RBFOX1: variants seen among roughly 807,000 people sequenced by gnomAD.
The protein encoded by RBFOX1 is RNA binding protein fox-1 homolog 1.
A neutral mutation model predicts 57.7 loss-of-function variants in RBFOX1; 8 were observed. The observed-to-expected ratio is 0.14, with a 90% CI of 0.08 to 0.25. RBFOX1 has a LOEUF of 0.25. RBFOX1 is among the 10% of genes least tolerant of loss of function. RBFOX1 has a pLI of 1.00. For synonymous variants in RBFOX1, 326 were observed against 222.4 expected, an observed-to-expected ratio of 1.47 and a Z score of -4.15; for missense variants, 611 against 548.5, an observed-to-expected ratio of 1.11 and a Z score of -1.14.
intron 4 of RBFOX1, among the ~76,000 whole-genome samples, chr16:7,486,982 C>G (rs1338778148): frequency 1.3e-5 from 2 of 152,184 alleles, no homozygotes; most frequent in African/African-American, 4.8e-5. Flanking sequence ...TCACTGCAAC[C>G]TCTGCCTCCC....
chr16:7,573,572 G>A (rs1468598774), intron 5 of RBFOX1, among the ~76,000 whole-genome samples: 1 of 151,972 alleles, frequency 6.6e-6, no homozygotes, highest in African/African-American at 2.4e-5. Flanking sequence ...AGTGGCTCAA[G>A]CCTGTAATCC....
intron 4 of RBFOX1, among the ~76,000 whole-genome samples, chr16:7,155,681 C>A (rs1347371426): frequency 7.7e-6 from 1 of 130,448 alleles, no homozygotes; most frequent in Non-Finnish European, 1.6e-5. Flanking sequence ...ACTTGCCTTC[C>A]TCCCTTCTCC....
At chr16:6,126,676 T>G (rs1427476495) in intron 1 of RBFOX1, among the ~76,000 whole-genome samples, 1 of 152,176 alleles carries the variant, frequency 6.6e-6, no homozygotes, top group Admixed American at 6.5e-5. Flanking sequence ...GCTCCTCCCC[T>G]GGTTTTCACT....
At chr16:6,528,050 C>A (rs1180206272) in intron 2 of RBFOX1, among the ~76,000 whole-genome samples, 2 of 152,154 alleles carry the variant, frequency 1.3e-5, no homozygotes, top group African/African-American at 4.8e-5. Flanking sequence ...ACCTTACATC[C>A]TTTCCACCCT....
intron 4 of RBFOX1, among the ~76,000 whole-genome samples, chr16:7,105,011 C>G (rs1341448789): frequency 6.6e-6 from 1 of 152,080 alleles, no homozygotes; most frequent in Non-Finnish European, 1.5e-5. Flanking sequence ...TTCTTTGATT[C>G]AGTCACAGAA....
intron 2 of RBFOX1, among the ~76,000 whole-genome samples, chr16:6,639,275 G>A (rs927479799): frequency 6.6e-6 from 1 of 152,166 alleles, no homozygotes; most frequent in Non-Finnish European, 1.5e-5. Context: ...CTGTCTATCT[G>A]ATTCCTAAGA....
intron 4 of RBFOX1, among the ~76,000 whole-genome samples, chr16:7,192,469 T>A (rs753053422): frequency 6.6e-6 from 1 of 152,188 alleles, no homozygotes; most frequent in Non-Finnish European, 1.5e-5. Flanking sequence ...ACGTGGAATG[T>A]AGTAAAGTAC....
In RBFOX1 at chr16:5,873,040, A is replaced by C. The variant is rs111728796; in HGVS notation, c.351+5705A>C. Among the ~76,000 whole-genome samples the C allele has an allele frequency of 2.1e-3, 318 of 152,158 alleles. 1 individual carries two copies. The highest frequency in any genetic ancestry group is 6.8e-3 in the Middle Eastern group (2 of 294). ...GTGGCACGCACCTGTAGTCCTAGCT[A>C]CTTGGGAGGCTGAGCAAGAGAATAG... On this transcript the variant is annotated intron_variant, in intron 4 of 19. Transcript: ENST00000641259.
chr16:7,073,288 T>A (rs1035039888), intron 4 of RBFOX1, among the ~76,000 whole-genome samples: 3 of 152,176 alleles, frequency 2.0e-5, no homozygotes, highest in African/African-American at 7.2e-5. Flanking sequence ...ACTATTTGGC[T>A]CTTTTCAGAA....
chr16:6,655,079 A>C (rs2098637672), intron 3 of RBFOX1, among the ~76,000 whole-genome samples: 1 of 151,814 alleles, frequency 6.6e-6, no homozygotes, highest in South Asian at 2.1e-4. Flanking sequence ...CATACACTTG[A>C]AAAAGAGCTC....
At chr16:5,886,824 G>A (rs929625016) in intron 4 of RBFOX1, among the ~76,000 whole-genome samples, 2 of 152,236 alleles carry the variant, frequency 1.3e-5, no homozygotes, top group Non-Finnish European at 2.9e-5. Flanking sequence ...GGAGGTGGAG[G>A]TTGCAGTGAG....
At chr16:6,591,392 T>C (rs2097708393) in intron 2 of RBFOX1, among the ~76,000 whole-genome samples, 1 of 152,134 alleles carries the variant, frequency 6.6e-6, no homozygotes, top group Non-Finnish European at 1.5e-5. Context: ...AGGCGGAGAT[T>C]GCAGTGAGCT....
chr16:7,513,257 C>G (rs1220815392), intron 4 of RBFOX1, among the ~76,000 whole-genome samples: 1 of 108,812 alleles, frequency 9.2e-6, no homozygotes, highest in East Asian at 2.4e-4. Context: ...GAGCAAAACT[C>G]TGTGTCAAAA....
At position 7,067,833 on chromosome 16, in the gene RBFOX1, A is replaced by G. The variant is rs143421707; in HGVS notation, c.27+15735A>G. Among the ~76,000 whole-genome samples the G allele has an allele frequency of 4.7e-3, 705 of 151,084 alleles. 6 individuals carry two copies. Among genetic ancestry groups the G allele is most frequent in the African/African-American group, 0.015 (636 of 41,124 alleles). On this transcript the variant is annotated intron_variant, in intron 4 of 15. Transcript: ENST00000550418. The stretch of plus-strand genomic sequence containing the variant: ...AGTTTACTGAGAATGATGATTTCCA[A>G]TTTCATCCATGTCCCTACAAAGGAC...
intron 1 of RBFOX1, among the ~76,000 whole-genome samples, chr16:6,238,776 T>G (rs550231434): frequency 2.0e-5 from 3 of 152,298 alleles, no homozygotes; most frequent in Admixed American, 6.5e-5. Flanking sequence ...AATGTTTAAT[T>G]TTTGTGGTTG....
At chr16:6,645,235 C>T (rs2098524219) in intron 2 of RBFOX1, among the ~76,000 whole-genome samples, 1 of 152,164 alleles carries the variant, frequency 6.6e-6, no homozygotes, top group East Asian at 1.9e-4. Flanking sequence ...CATTTCAAGA[C>T]CCTTAATTAT....
intron 1 of RBFOX1, among the ~76,000 whole-genome samples, chr16:6,207,040 C>G (rs1035951094): frequency 4.7e-5 from 7 of 149,742 alleles, no homozygotes; most frequent in East Asian, 2.0e-4. Context: ...GGTAAACAGT[C>G]TCAAGTTTTA....
At chr16:7,605,697 C>G (rs1303958375) in intron 9 of RBFOX1, among the ~76,000 whole-genome samples, 1 of 152,190 alleles carries the variant, frequency 6.6e-6, no homozygotes, top group African/African-American at 2.4e-5. Flanking sequence ...AAAGTTCTTA[C>G]TGTCAAAAAT....
At chr16:5,514,330 G>A (rs1462838458) in intron 2 of RBFOX1, among the ~76,000 whole-genome samples, 1 of 152,176 alleles carries the variant, frequency 6.6e-6, no homozygotes, top group Non-Finnish European at 1.5e-5. Flanking sequence ...GCTCGTCTGG[G>A]CATGTGTTTC....
Sources: allele counts gnomAD v4.1 joint callset (sites outside exome capture counted in the v4.1 genomes callset), GRCh38; gene constraint gnomAD v4.1.1; transcripts MANE v1.5; gene names NCBI Gene and HGNC (gene_info 2026-07-23, HGNC 2026-07-21).